SP110: variants seen among roughly 807,000 people sequenced by gnomAD.
The protein encoded by SP110 is SP110 nuclear body protein, also known as interferon-induced protein 41, 30kD.
In SP110, 62 loss-of-function variants were observed where a neutral mutation model predicts 92.7. The observed-to-expected ratio is 0.67, with a 90% CI of 0.55 to 0.83. The LOEUF (loss-of-function observed/expected upper bound fraction) is 0.83, where lower values mean the gene tolerates loss of function less well. Among genes scored for constraint, SP110 ranks in the 40% least tolerant of loss-of-function variants. The probability of loss-of-function intolerance (pLI) is 0.00; values close to 1 mark genes in which losing one functional copy is unlikely to be tolerated. For missense variants in SP110, 793 were observed against 863.9 expected, an observed-to-expected ratio of 0.92 and a Z score of 1.03; for synonymous variants, 273 against 305.3, an observed-to-expected ratio of 0.89 and a Z score of 1.10.
rs150606938 is a variant in SP110, at chr2:230,169,225, C to G, written c.2041G>C (p.Gly681Arg). The change falls in exon 19 of 19, where the codon GGC becomes CGC. Residue 681 changes from glycine to arginine, a missense_variant. Gly to Arg is a moderately radical substitution (Grantham distance 125). Transcript: ENST00000258381. ...GCCTCTAAGTCAAGTCCTACCTGGC[C>G]AAAGTCAGAAGCCTGAAAGAGAAAA... ...HKTFYKASDF[G>R]QVGLDLEAEF... The G allele has an allele frequency of 1.9e-5, 30 of 1,602,204 alleles. No homozygotes were observed. Among genetic ancestry groups the G allele is most frequent in the Middle Eastern group, 1.6e-4 (1 of 6,062 alleles).
chr2:230,225,491 G>A, intron 1 of SP110: 1 of 358,620 alleles, frequency 2.8e-6, no homozygotes, highest in Non-Finnish European at 5.4e-6. Flanking sequence ...GCAAGGGGTG[G>A]GGACAAATAC....
chr2:230,220,967 G>A (rs2045765003), upstream of SP110, among the ~76,000 whole-genome samples: 1 of 152,060 alleles, frequency 6.6e-6, no homozygotes. Flanking sequence ...AGCTATGATT[G>A]CACCACTGCA....
At chr2:230,212,291 T>C in intron 5 of SP110, 56 bp downstream of exon 5, 4 of 1,294,262 alleles carry the variant, frequency 3.1e-6, no homozygotes, top group Non-Finnish European at 4.5e-6. Context: ...GGCAGACGCA[T>C]GTTCTCCCTT....
At chr2:230,175,873 T>G (rs1045257965) in intron 14 of SP110, among the ~76,000 whole-genome samples, 1 of 152,030 alleles carries the variant, frequency 6.6e-6, no homozygotes, top group Non-Finnish European at 1.5e-5. Context: ...TCATGGATGA[T>G]CCTCTTGTCC....
At chr2:230,188,875 TCTCA>T (rs1211879245) in intron 10 of SP110, among the ~76,000 whole-genome samples, 3 of 152,054 alleles carry the variant, frequency 2.0e-5, no homozygotes, top group Non-Finnish European at 2.9e-5. Context: ...CTGGATTCAA[TCTCA>T]CTGTTTGTTA....
At chr2:230,182,908 G>A (rs16826860) in intron 12 of SP110, among the ~76,000 whole-genome samples, 11,674 of 152,272 alleles carry the variant, frequency 0.077, 982 homozygotes, top group East Asian at 0.39. Flanking sequence ...CGTCACAGTT[G>A]GTTTACAAGC....
Position 230,211,216 on chromosome 2 carries a change from ATCATCATCCG to A in SP110, c.751+244_751+253del, listed in dbSNP as rs2044433894. 2.6e-5 allele frequency among the ~76,000 whole-genome samples: 4 copies of A among 152,036 alleles called. No homozygotes were observed. Among genetic ancestry groups the A allele is most frequent in the South Asian group, 2.1e-4 (1 of 4,828 alleles). ...TACAGGCACTGGTGGGGCTCTGTCCATCATCATCCGTGGCCCTATCCAAGTCTACCTTTTC... is the reference window on the plus strand; with the variant it reads ...TACAGGCACTGGTGGGGCTCTGTCCATGGCCCTATCCAAGTCTACCTTTTC... On this transcript the variant is annotated intron_variant, in intron 6 of 18. Coordinates refer to ENST00000258381, the MANE Select transcript of SP110 (RefSeq NM_080424.4). The surrounding 1 kb of genome is among the most constrained non-coding windows in gnomAD (Gnocchi z 4.2).
At chr2:230,217,834 T>TA (rs1310685482) in intron 1 of SP110, among the ~76,000 whole-genome samples, 32 of 152,300 alleles carry the variant, frequency 2.1e-4, no homozygotes, top group Non-Finnish European at 2.5e-4. Flanking sequence ...GGGACCACCC[T>TA]AAAATGGGTA....
upstream of SP110, among the ~76,000 whole-genome samples, chr2:230,221,113 T>G (rs1480893678): frequency 6.6e-6 from 1 of 151,768 alleles, no homozygotes; most frequent in African/African-American, 2.4e-5. Context: ...AAACCCCATC[T>G]CTACTAAAAA....
At chr2:230,175,942 A>ATTTTTTTTTTT (rs769329922) in intron 14 of SP110, among the ~76,000 whole-genome samples, 22 of 97,516 alleles carry the variant, frequency 2.3e-4, no homozygotes, top group Non-Finnish European at 3.2e-4. Flanking sequence ...ATGCTGCAGC[A>ATTTTTTTTTTT]TTCTTTTTTT....
At chr2:230,186,853 A>T (rs575849542) in intron 10 of SP110, among the ~76,000 whole-genome samples, 1 of 152,306 alleles carries the variant, frequency 6.6e-6, no homozygotes, top group African/African-American at 2.4e-5. Context: ...TTTATGGCTG[A>T]GTAATACACC....
chr2:230,192,066 C>T (rs1281216372), intron 10 of SP110, among the ~76,000 whole-genome samples: 1 of 152,102 alleles, frequency 6.6e-6, no homozygotes, highest in African/African-American at 2.4e-5. Context: ...CAGAAAAGGC[C>T]TTTGATAAAA....
At position 230,177,667 on chromosome 2, in the gene SP110, C is replaced by T. The variant is rs763386178; in HGVS notation, c.1461G>A (p.Lys487=). ...AAGTTCCATCCTCATTCCGAATGCA[C>T]TTCACTGAGGATCCTGTAAGAAAAA... ...KKKMKHGSSV[K]CIRNEDGTWL... Residue 487 remains lysine (K), a synonymous_variant, in exon 14 of 19, where the codon AAG becomes AAA. Transcript: ENST00000258381. 2 of 1,614,174 alleles carry T rather than the reference C, an allele frequency of 1.2e-6. No homozygotes were observed. The highest frequency in any genetic ancestry group is 1.6e-4 in the Middle Eastern group (1 of 6,062).
At chr2:230,170,806 C>T (rs774570929) in intron 17 of SP110, 45 bp from the exon 18 acceptor site, 2 of 1,600,560 alleles carry the variant, frequency 1.2e-6, no homozygotes, top group Non-Finnish European at 1.7e-6. Flanking sequence ...CAGCTGTCAT[C>T]ACTGGAATGG....
Position 230,169,127 on chromosome 2 carries a change from A to T in SP110, c.2139T>A (p.Pro713=). 6.2e-7 allele frequency: 1 copy of T among 1,603,016 alleles called. No homozygotes were observed. The highest frequency in any genetic ancestry group is 8.5e-7 in the Non-Finnish European group (1 of 1,170,000). Reference sequence around the variant, plus strand: ...CTTCAGTCTTTACAGAACAGGGTCAAGGAAGAGTCCAGAAACCGCCGTCAT... The same window carrying T: ...CTTCAGTCTTTACAGAACAGGGTCATGGAAGAGTCCAGAAACCGCCGTCAT... ...EANDGGFWTL[P] is the part of the protein sequence containing the mutation. The change falls in exon 19 of 19, where the codon CCT becomes CCA. Residue 713 remains proline (P), a synonymous_variant. Transcript: ENST00000258381.
At chr2:230,184,004 CTA>C in intron 11 of SP110, among the ~76,000 whole-genome samples, 1 of 152,274 alleles carries the variant, frequency 6.6e-6, no homozygotes, top group Middle Eastern at 3.4e-3. Flanking sequence ...CCTGCAGATA[CTA>C]TGTTTCTTCA....
intron 3 of SP110, among the ~76,000 whole-genome samples, chr2:230,213,342 A>G (rs1350830617): frequency 2.6e-5 from 4 of 152,216 alleles, no homozygotes. Flanking sequence ...GTGTCATATA[A>G]TTTAGTCAAT....
chr2:230,170,962 G>A (rs1406291373), intron 17 of SP110: 8 of 628,348 alleles, frequency 1.3e-5, no homozygotes, highest in Non-Finnish European at 2.8e-6. Context: ...ACATTTATGG[G>A]TACCATAAAT....
rs138983135 is a variant in SP110, at chr2:230,211,833, T to A, written c.668-280A>T. ...TATTTGGATCGAAGAGGACCCCTCT[T>A]CTCAGTACTGGAGAGCTCAGAATCC... On this transcript the variant is annotated intron_variant, in intron 5 of 18. Transcript: ENST00000258381. This position sits in a 1 kb window ranked among gnomAD's most constrained non-coding sequence, Gnocchi z 4.2. Among the ~76,000 whole-genome samples, 10 of 152,296 alleles carry A rather than the reference T, an allele frequency of 6.6e-5. No homozygotes were observed. Among genetic ancestry groups the A allele is most frequent in the Non-Finnish European group, 1.3e-4 (9 of 68,010 alleles).
Sources: allele counts gnomAD v4.1 joint callset (sites outside exome capture counted in the v4.1 genomes callset), GRCh38; gene constraint gnomAD v4.1.1; non-coding constraint Gnocchi (gnomAD v3.1); transcripts MANE v1.5; gene names NCBI Gene and HGNC (gene_info 2026-07-23, HGNC 2026-07-21).